AP3B2: variants seen among roughly 807,000 people sequenced by gnomAD.
AP3B2 encodes the protein AP-3 complex subunit beta-2.
A neutral mutation model predicts 126.9 loss-of-function variants in AP3B2; 50 were observed. The observed-to-expected ratio is 0.39, with a 90% CI of 0.31 to 0.50. AP3B2 has a LOEUF of 0.50. Ranked by LOEUF, AP3B2 falls within the 20% of genes least tolerant of loss-of-function variation. The probability of loss-of-function intolerance (pLI) is 0.79; values close to 1 mark genes in which losing one functional copy is unlikely to be tolerated. For synonymous variants in AP3B2, 541 were observed against 565.0 expected, an observed-to-expected ratio of 0.96 and a Z score of 0.60; for missense variants, 1,177 against 1,426.4, an observed-to-expected ratio of 0.83 and a Z score of 2.82.
rs764544475 is a variant in AP3B2, at chr15:82,680,593, G to A, written c.934C>T (p.Leu312=). 22 of 1,595,142 alleles carry A rather than the reference G, an allele frequency of 1.4e-5. No individual in the cohort carries two copies. The South Asian group carries it at 2.4e-4, about 18-fold the overall frequency. Reference sequence around the variant, plus strand: ...ACCGCGGCGCTGCGGCTCTGCAGCAGGGGTTTGGTGTTGCGCAGCAGCAGC... The same window carrying A: ...ACCGCGGCGCTGCGGCTCTGCAGCAAGGGTTTGGTGTTGCGCAGCAGCAGC... ...HRLLLRNTKP[L]LQSRSAAVVM... Residue 312 remains leucine, a synonymous_variant, in exon 8 of 27, where the codon CTG becomes TTG. Transcript: ENST00000535359. The surrounding 1 kb of genome is among the most constrained non-coding windows in gnomAD (Gnocchi z 6.1).
chr15:82,662,311 A>G, intron 23 of AP3B2, 59 bp from the exon 24 acceptor site: 1 of 1,335,428 alleles, frequency 7.5e-7, no homozygotes, highest in South Asian at 1.3e-5. Context: ...TGATAGGTCT[A>G]GAACCCAGCC....
intron 10 of AP3B2, among the ~76,000 whole-genome samples, chr15:82,678,993 G>A (rs1305598290): frequency 1.3e-5 from 2 of 152,214 alleles, no homozygotes; most frequent in East Asian, 1.9e-4. Context: ...TTCCTTGTCC[G>A]TGAATGTTTG....
intron 1 of AP3B2, chr15:82,699,291 C>T (rs1266944810): frequency 1.1e-5 from 2 of 183,418 alleles, no homozygotes; most frequent in Non-Finnish European, 2.2e-5. Context: ...CTGGCCAAAC[C>T]CTGTCTGTGC....
At chr15:82,706,355 C>A (rs2048795505) in intron 1 of AP3B2, among the ~76,000 whole-genome samples, 1 of 152,170 alleles carries the variant, frequency 6.6e-6, no homozygotes, top group Non-Finnish European at 1.5e-5. Flanking sequence ...CTTCCATATC[C>A]TGTACCTCCA....
intron 1 of AP3B2, chr15:82,691,954 G>A (rs2048542046): frequency 4.3e-6 from 6 of 1,403,206 alleles, no homozygotes; most frequent in South Asian, 1.2e-5. Flanking sequence ...TCCCCACACC[G>A]TCCTTCTGCA....
Position 82,689,386 on chromosome 15 carries a change from T to C in AP3B2, c.181A>G (p.Ile61Val), listed in dbSNP as rs1253825077. 2 of 1,613,860 alleles carry C rather than the reference T, an allele frequency of 1.2e-6. No individual in the cohort carries two copies. The highest frequency in any genetic ancestry group is 1.7e-6 in the Non-Finnish European group (2 of 1,179,858). Residue 61 changes from isoleucine to valine, a missense_variant, in exon 2 of 27, where the codon ATT (isoleucine) becomes GTT (valine). Transcript: ENST00000535359. ...DSLKLEAMKR[I>V]VAMIARGKNA... is the part of the protein sequence containing the mutation. ...CCTCCTTCCCCTCTTACCGCCACAA[T>C]CCTCTTCATGGCCTCCAGCTTGAGA...
intron 3 of AP3B2, 112 bp from the exon 4 acceptor site, chr15:82,688,943 C>T: frequency 8.9e-7 from 1 of 1,129,086 alleles, no homozygotes; most frequent in South Asian, 1.5e-5. Context: ...GGGACAAACT[C>T]TCCCAGTGGG....
intron 24 of AP3B2, 73 bp from the exon 25 acceptor site, chr15:82,661,995 G>T: frequency 7.0e-7 from 1 of 1,436,978 alleles, no homozygotes; most frequent in Non-Finnish European, 9.7e-7. Context: ...CCTGTGTAGA[G>T]GCACAGCTTG....
intron 4 of AP3B2, among the ~76,000 whole-genome samples, chr15:82,682,128 TG>T (rs998141782): frequency 1.4e-5 from 2 of 139,238 alleles, no homozygotes; most frequent in African/African-American, 5.4e-5. Context: ...CTCGGCTCAC[TG>T]CAACCTCCAC....
At chr15:82,676,053 T>C (rs979404336) in intron 14 of AP3B2, among the ~76,000 whole-genome samples, 12 of 152,052 alleles carry the variant, frequency 7.9e-5, no homozygotes, top group African/African-American at 2.7e-4. Context: ...CCCCTTATCT[T>C]TGGCACAGAC....
chr15:82,702,638 T>C (rs934447106), intron 1 of AP3B2, among the ~76,000 whole-genome samples: 2 of 146,122 alleles, frequency 1.4e-5, no homozygotes, highest in African/African-American at 5.1e-5. Flanking sequence ...CCTACCCAAA[T>C]CCTATAAAAT....
intron 1 of AP3B2, among the ~76,000 whole-genome samples, chr15:82,695,095 CTTTTTT>C (rs747831776): frequency 3.7e-5 from 5 of 134,814 alleles, no homozygotes; most frequent in Non-Finnish European, 4.7e-5. Flanking sequence ...TTCTTTCTTT[CTTTTTT>C]TTTTTTTTTT....
At chr15:82,670,700 A>C (rs185024733) in intron 14 of AP3B2, among the ~76,000 whole-genome samples, 17 of 152,346 alleles carry the variant, frequency 1.1e-4, no homozygotes, top group African/African-American at 3.8e-4. Flanking sequence ...AAAAGTAGAC[A>C]AATGGGATCA....
At chr15:82,703,434 GCTTGCCTC>G (rs146131462) in intron 1 of AP3B2, among the ~76,000 whole-genome samples, 1,788 of 151,668 alleles carry the variant, frequency 0.012, 41 homozygotes, top group African/African-American at 0.04. Flanking sequence ...TTTTCTCTGG[GCTTGCCTC>G]CTTCACTGTG....
rs768025500 is a variant in AP3B2, at chr15:82,680,613, A to G, written c.914T>C (p.Leu305Pro). Residue 305 changes from leucine (L) to proline (P), a missense_variant, in exon 8 of 27, where the codon CTG becomes CCG. Leu to Pro is a moderately conservative substitution (Grantham distance 98). Coordinates refer to ENST00000535359, the MANE Select transcript of AP3B2 (RefSeq NM_001278512.2). The surrounding 1 kb of genome is among the most constrained non-coding windows in gnomAD (Gnocchi z 6.1). ...PYVMDPDHRLLLRNTKPLLQS... is the reference protein window; with the variant it reads ...PYVMDPDHRLPLRNTKPLLQS... Reference sequence around the variant, plus strand: ...CAGCAGGGGTTTGGTGTTGCGCAGCAGCAGCCGGTGGTCGGGGTCCATGAC... The same window carrying G: ...CAGCAGGGGTTTGGTGTTGCGCAGCGGCAGCCGGTGGTCGGGGTCCATGAC... 1 of 1,595,960 alleles carries G rather than the reference A, an allele frequency of 6.3e-7. No individual in the cohort carries two copies. The highest frequency in any genetic ancestry group is 8.5e-7 in the Non-Finnish European group (1 of 1,177,156).
chr15:82,664,001 A>AGGCCT lies in AP3B2; in HGVS notation c.2262-31_2262-27dup, dbSNP rs772323778. ...CTGAAGGAGTGGGAAAGGTTGGCTC[A>AGGCCT]GGCCTGGCCTGGACACTCCCTCCTT... On this transcript the variant is annotated intron_variant, in intron 19 of 26. Transcript: ENST00000535359. This position sits in a 1 kb window ranked among gnomAD's most constrained non-coding sequence, Gnocchi z 4.5. 1.9e-6 allele frequency: 3 copies of AGGCCT among 1,593,578 alleles called. No individual in the cohort carries two copies. The highest frequency in any genetic ancestry group is 1.3e-5 in the African/African-American group (1 of 74,914).
At chr15:82,660,726 C>T (rs893501613) in intron 25 of AP3B2, among the ~76,000 whole-genome samples, 17 of 152,226 alleles carry the variant, frequency 1.1e-4, no homozygotes, top group African/African-American at 4.1e-4. Flanking sequence ...CCTGTTTCTT[C>T]TATCCCCTTC....
chr15:82,677,222 A>T, intron 13 of AP3B2, 52 bp downstream of exon 13: 1 of 1,423,166 alleles, frequency 7.0e-7, no homozygotes, highest in South Asian at 1.2e-5. Context: ...ACAGTCTTGA[A>T]ATCATGGGGA....
chr15:82,679,744 C>A lies in AP3B2; in HGVS notation c.1167G>T (p.Gln389His). ...CCTCACTCACCTTCAGGATCTTAAT[C>A]TGGGTGGGGTCGGTGGACCTGATGT... ...SFYIRSTDPT[Q>H]IKILKLEVLT... Residue 389 changes from glutamine to histidine, a missense_variant, in exon 10 of 27, where the codon CAG becomes CAT. Gln to His is a conservative substitution (Grantham distance 24, BLOSUM62 0). Coordinates refer to ENST00000535359, the MANE Select transcript of AP3B2 (RefSeq NM_001278512.2). 1 of 1,613,878 alleles carries A rather than the reference C, an allele frequency of 6.2e-7. No homozygotes were observed. Among genetic ancestry groups the A allele is most frequent in the Non-Finnish European group, 8.5e-7 (1 of 1,179,814 alleles).
Sources: allele counts gnomAD v4.1 joint callset (sites outside exome capture counted in the v4.1 genomes callset), GRCh38; gene constraint gnomAD v4.1.1; non-coding constraint Gnocchi (gnomAD v3.1); transcripts MANE v1.5; gene names NCBI Gene and HGNC (gene_info 2026-07-23, HGNC 2026-07-21).